Variants in NRG3 observed in about 807,000 individuals in gnomAD.
NRG3 encodes the protein pro-neuregulin-3, membrane-bound isoform.
NRG3 carries 31 observed loss-of-function variants against 66.9 expected under a neutral mutation model. The observed-to-expected ratio is 0.46, with a 90% CI of 0.35 to 0.63. The LOEUF is 0.63. Ranked by LOEUF, NRG3 falls within the 20% of genes least tolerant of loss-of-function variation. NRG3 has a pLI of 0.00. For synonymous variants in NRG3, 393 were observed against 359.4 expected (o/e 1.09, Z -1.06); for missense variants, 910 against 878.9 (o/e 1.04, Z -0.45).
intron 2 of NRG3, among the ~76,000 whole-genome samples, chr10:82,384,132 T>G (rs1589932132): frequency 6.6e-6 from 1 of 152,152 alleles, no homozygotes; most frequent in African/African-American, 2.4e-5. Flanking sequence ...TATATTAATA[T>G]TGACAAACTT....
chr10:81,948,305 C>G (rs1849032155), intron 1 of NRG3, among the ~76,000 whole-genome samples: 1 of 152,170 alleles, frequency 6.6e-6, no homozygotes, highest in Non-Finnish European at 1.5e-5. Context: ...ATCAACATTC[C>G]TCACCAGAGT....
At chr10:82,908,524 T>C (rs988840888) in intron 4 of NRG3, among the ~76,000 whole-genome samples, 1 of 152,170 alleles carries the variant, frequency 6.6e-6, no homozygotes, top group Non-Finnish European at 1.5e-5. Flanking sequence ...CAAATTATCA[T>C]GTTGTTCATT....
chr10:82,983,560 CT>C (rs1853143280), intron 8 of NRG3, among the ~76,000 whole-genome samples: 1 of 152,182 alleles, frequency 6.6e-6, no homozygotes, highest in African/African-American at 2.4e-5. Flanking sequence ...TTTAAATTCT[CT>C]GTGTGACACA....
At chr10:82,680,237 A>G (rs1246874166) in intron 2 of NRG3, among the ~76,000 whole-genome samples, 2 of 152,210 alleles carry the variant, frequency 1.3e-5, no homozygotes, top group Non-Finnish European at 2.9e-5. Flanking sequence ...GCAATGCCTC[A>G]CATCTAATAA....
chr10:82,142,390 C>G (rs927308781), intron 1 of NRG3, among the ~76,000 whole-genome samples: 1 of 152,058 alleles, frequency 6.6e-6, no homozygotes, highest in African/African-American at 2.4e-5. Context: ...CCAAGGGAGG[C>G]AGAAGTAGTC....
chr10:82,755,709 A>G (rs1346005451), intron 3 of NRG3, among the ~76,000 whole-genome samples: 2 of 152,170 alleles, frequency 1.3e-5, no homozygotes, highest in African/African-American at 4.8e-5. Flanking sequence ...CTGTAAATCA[A>G]TTGATTAATC....
chr10:82,617,362 CAT>C (rs776579169), intron 2 of NRG3, among the ~76,000 whole-genome samples: 23 of 151,802 alleles, frequency 1.5e-4, no homozygotes, highest in Middle Eastern at 3.4e-3. Context: ...ACACCACACA[CAT>C]GGCACACACA....
intron 2 of NRG3, among the ~76,000 whole-genome samples, chr10:82,629,481 T>C (rs1293858395): frequency 6.6e-6 from 1 of 152,228 alleles, no homozygotes; most frequent in Non-Finnish European, 1.5e-5. Flanking sequence ...TGCAGAGTGC[T>C]GTAGGTGTGT....
intron 2 of NRG3, among the ~76,000 whole-genome samples, chr10:82,601,232 GTGAATAGTACTGTGA>G (rs2133396643): frequency 6.6e-6 from 1 of 152,216 alleles, no homozygotes; most frequent in Non-Finnish European, 1.5e-5. Flanking sequence ...CTTTGCTATT[GTGAATAGTACTGTGA>G]TGAATATGCT....
intron 2 of NRG3, among the ~76,000 whole-genome samples, chr10:82,693,859 C>G (rs1283196894): frequency 6.6e-6 from 1 of 152,188 alleles, no homozygotes; most frequent in Non-Finnish European, 1.5e-5. Context: ...AGTGAAAGAA[C>G]AAAGCTCCCT....
At chr10:82,874,616 G>GA (rs1287606150) in intron 4 of NRG3, among the ~76,000 whole-genome samples, 1 of 151,936 alleles carries the variant, frequency 6.6e-6, no homozygotes, top group East Asian at 1.9e-4. Context: ...AGATATAGTG[G>GA]AAAAACAAAA....
intron 1 of NRG3, among the ~76,000 whole-genome samples, chr10:82,094,171 C>T (rs757796166): frequency 6.6e-6 from 1 of 152,114 alleles, no homozygotes; most frequent in African/African-American, 2.4e-5. Context: ...AATATGTCTA[C>T]ATAATAAAAG....
chr10:82,359,067 G>A lies in NRG3; in HGVS notation c.953+199G>A, dbSNP rs543724200. Among the ~76,000 whole-genome samples the A allele has an allele frequency of 2.2e-4, 34 of 152,300 alleles. No individual in the cohort carries two copies. The East Asian group carries it at 4.1e-3, about 18-fold the overall frequency. On this transcript the variant is annotated intron_variant, in intron 2 of 8. Transcript: ENST00000372141. ...TGGAAGAAGACAAAATGGAAACAAA[G>A]TAGTTACGGTTTAAGTTTTACCTGA...
At chr10:82,560,598 A>G (rs1259661905) in intron 2 of NRG3, among the ~76,000 whole-genome samples, 1 of 151,014 alleles carries the variant, frequency 6.6e-6, no homozygotes, top group Non-Finnish European at 1.5e-5. Flanking sequence ...GTAAAATTAT[A>G]GTTTTATTTT....
chr10:82,165,601 A>T (rs1481776905), intron 1 of NRG3, among the ~76,000 whole-genome samples: 1 of 152,024 alleles, frequency 6.6e-6, no homozygotes, highest in Non-Finnish European at 1.5e-5. Flanking sequence ...AAAACTCTAA[A>T]TACATATAGA....
chr10:82,865,744 A>T (rs745665155), intron 4 of NRG3, among the ~76,000 whole-genome samples: 8 of 152,186 alleles, frequency 5.3e-5, no homozygotes, highest in Non-Finnish European at 7.4e-5. Context: ...GGATAATAAT[A>T]GGTTCTATTT....
At chr10:81,980,492 A>G (rs2060294799) in intron 1 of NRG3, among the ~76,000 whole-genome samples, 2 of 152,198 alleles carry the variant, frequency 1.3e-5, no homozygotes, top group Admixed American at 6.5e-5. Context: ...TATTTAAACC[A>G]TGACTTTGAG....
chr10:82,495,387 G>A (rs1843526333), intron 2 of NRG3, among the ~76,000 whole-genome samples: 1 of 152,016 alleles, frequency 6.6e-6, no homozygotes, highest in Non-Finnish European at 1.5e-5. Context: ...TTTAATCTCA[G>A]ATCTTACAGT....
chr10:82,578,952 T>C (rs2046195364), intron 2 of NRG3, among the ~76,000 whole-genome samples: 1 of 151,884 alleles, frequency 6.6e-6, no homozygotes, highest in South Asian at 2.1e-4. Context: ...CTCTATGATC[T>C]CAAGAATATA....
Sources: allele counts gnomAD v4.1 joint callset (sites outside exome capture counted in the v4.1 genomes callset), GRCh38; gene constraint gnomAD v4.1.1; transcripts MANE v1.5; gene names NCBI Gene and HGNC (gene_info 2026-07-23, HGNC 2026-07-21).